Variants in CEP57 observed in about 807,000 individuals in gnomAD.
The protein encoded by CEP57 is centrosomal protein of 57 kDa.
A neutral mutation model predicts 68.0 loss-of-function variants in CEP57; 40 were observed. The ratio of observed to expected loss-of-function variants is 0.59; its 90% CI spans 0.46 to 0.77. The LOEUF (loss-of-function observed/expected upper bound fraction) is 0.77, where lower values mean the gene tolerates loss of function less well. CEP57 is among the 30% of genes least tolerant of loss of function. The pLI is 0.00. For synonymous variants in CEP57, 219 were observed against 198.7 expected, an observed-to-expected ratio of 1.10 and a Z score of -0.86; for missense variants, 606 against 580.7, an observed-to-expected ratio of 1.04 and a Z score of -0.45.
At chr11:95,799,448 A>C (rs1861483157) in intron 2 of CEP57, 60 bp downstream of exon 2, 1 of 1,596,226 alleles carries the variant, frequency 6.3e-7, no homozygotes, top group African/African-American at 1.3e-5. Flanking sequence ...AAAATTCTTA[A>C]CTTTGTCCTC....
chr11:95,795,770 T>C (rs1245665331), intron 1 of CEP57, among the ~76,000 whole-genome samples: 4 of 152,208 alleles, frequency 2.6e-5, no homozygotes, highest in South Asian at 4.1e-4. Context: ...GTTGCATTGA[T>C]TGCACTGCTC....
intron 8 of CEP57, 88 bp downstream of exon 8, chr11:95,822,664 G>A: frequency 1.3e-6 from 1 of 755,962 alleles, no homozygotes; most frequent in Non-Finnish European, 2.2e-6. Flanking sequence ...ACAAATGGAA[G>A]GAACATTTTT....
intron 2 of CEP57, among the ~76,000 whole-genome samples, chr11:95,810,181 G>A (rs1311110326): frequency 6.6e-6 from 1 of 152,132 alleles, no homozygotes; most frequent in Non-Finnish European, 1.5e-5. Context: ...CAATAAACTA[G>A]GTATTGATGG....
chr11:95,824,845 T>G (rs1862671380), intron 8 of CEP57, among the ~76,000 whole-genome samples: 1 of 152,210 alleles, frequency 6.6e-6, no homozygotes, highest in Admixed American at 6.5e-5. Flanking sequence ...AGGGGAAATA[T>G]ACCCAACTGC....
At chr11:95,827,610 T>A in intron 8 of CEP57, 176 bp from the exon 9 acceptor site, 1 of 705,260 alleles carries the variant, frequency 1.4e-6, no homozygotes, top group Non-Finnish European at 2.3e-6. Context: ...TGAAACATAG[T>A]TAGTGGATTT....
At chr11:95,790,779 GC>G in intron 1 of CEP57, 36 bp downstream of exon 1, 1 of 1,611,476 alleles carries the variant, frequency 6.2e-7, no homozygotes, top group South Asian at 1.1e-5. Context: ...CCCCACGTCG[GC>G]CCTAAGCGCC....
Position 95,832,180 on chromosome 11 carries a change from CAT to C in CEP57, c.*925_*926del, listed in dbSNP as rs1758804321. 6.6e-6 allele frequency: 1 copy of C among 151,994 alleles called. No individual in the cohort carries two copies. The highest frequency in any genetic ancestry group is 2.1e-4 in the South Asian group (1 of 4,830). The allele number at this position is 151,994 out of a possible 1,614,324, so 9.4% of individuals were successfully genotyped here. ...AATCATAATTTCAACTAGATCAAGA[CAT>C]GTTAACCTTTTATAAATTTAAAGTC... On this transcript the variant is annotated 3_prime_UTR_variant, in exon 11 of 11. Transcript: ENST00000325542.
chr11:95,790,499 T>G lies in CEP57; in HGVS notation c.-200T>G, dbSNP rs910105003. 3.2e-6 allele frequency: 2 copies of G among 616,586 alleles called. No homozygotes were observed. The highest frequency in any genetic ancestry group is 5.7e-6 in the Non-Finnish European group (2 of 349,384). 38.2% of individuals were successfully genotyped at this position (616,586 alleles called of 1,614,324 possible). On this transcript the variant is annotated 5_prime_UTR_variant, in exon 1 of 11. Coordinates refer to ENST00000325542, the MANE Select transcript of CEP57 (RefSeq NM_014679.5). Reference sequence around the variant, plus strand: ...AGACGTCCGTTAGGACGTGTTGCCCTTTCTGTGTAAGCTGTGAGCGTAGGC... The same window carrying G: ...AGACGTCCGTTAGGACGTGTTGCCCGTTCTGTGTAAGCTGTGAGCGTAGGC...
intron 8 of CEP57, 98 bp downstream of exon 8, chr11:95,822,674 T>C (rs1266373897): frequency 1.5e-6 from 1 of 645,390 alleles, no homozygotes; most frequent in Non-Finnish European, 2.7e-6. Context: ...GGAACATTTT[T>C]CTGTGCCTTT....
chr11:95,799,548 A>G (rs896352411), intron 2 of CEP57, among the ~76,000 whole-genome samples, 160 bp downstream of exon 2: 1 of 152,118 alleles, frequency 6.6e-6, no homozygotes, highest in Non-Finnish European at 1.5e-5. Flanking sequence ...TATTCCTTAT[A>G]TTGATTGTTG....
At chr11:95,804,886 A>G (rs910304972) in intron 2 of CEP57, among the ~76,000 whole-genome samples, 1 of 152,166 alleles carries the variant, frequency 6.6e-6, no homozygotes, top group African/African-American at 2.4e-5. Context: ...CTTTTCAATC[A>G]TGTGTTTTCT....
In CEP57 at chr11:95,829,238, G is replaced by T. The variant is rs1862890009; in HGVS notation, c.1179G>T (p.Leu393=). The T allele has an allele frequency of 1.2e-6, 2 of 1,613,948 alleles. No homozygotes were observed. The highest frequency in any genetic ancestry group is 1.7e-6 in the Non-Finnish European group (2 of 1,180,004). The change falls in exon 10 of 11, where the codon CTG becomes CTT. Residue 393 remains leucine (L), a synonymous_variant. Coordinates refer to ENST00000325542, the MANE Select transcript of CEP57 (RefSeq NM_014679.5). ...TCCAGGAGTCGCCAACCGTTGAACT[G>T]AAAGACAAGTTGGAGTGTGAATTGG... ...KLIQESPTVE[L]KDKLECELEA... is the part of the protein sequence containing the mutation.
chr11:95,800,060 C>CT (rs1861508532), intron 2 of CEP57, among the ~76,000 whole-genome samples: 1 of 152,176 alleles, frequency 6.6e-6, no homozygotes, highest in Non-Finnish European at 1.5e-5. Flanking sequence ...TTGCCATGAA[C>CT]TTAGCTTTAA....
chr11:95,817,854 T>A lies in CEP57; in HGVS notation c.572T>A (p.Leu191His), dbSNP rs150399616. 7.0e-4 allele frequency: 1,129 copies of A among 1,613,964 alleles called. 1 individual carries two copies. The highest frequency in any genetic ancestry group is 9.1e-4 in the Non-Finnish European group (1,076 of 1,179,912). Residue 191 changes from leucine (L) to histidine (H), a missense_variant, in exon 5 of 11, where the codon CTT becomes CAT. Coordinates refer to ENST00000325542, the MANE Select transcript of CEP57 (RefSeq NM_014679.5). ...HVQSQLEKLD[L>H]LEQEYNKLTT... ...CAGAGCCAACTTGAAAAATTGGATC[T>A]TCTTGAACAGGAGTATAACAAACTT... is the stretch of plus-strand genomic sequence containing the variant.
intron 2 of CEP57, among the ~76,000 whole-genome samples, chr11:95,804,961 A>G (rs1199695639): frequency 6.6e-6 from 1 of 152,230 alleles, no homozygotes; most frequent in Non-Finnish European, 1.5e-5. Flanking sequence ...TTACGCATTT[A>G]AACAGGGATA....
intron 2 of CEP57, among the ~76,000 whole-genome samples, chr11:95,803,581 A>G (rs1455648677): frequency 9.8e-6 from 1 of 101,806 alleles, no homozygotes; most frequent in African/African-American, 3.6e-5. Context: ...CCCTTAATCT[A>G]CAACAACATA....
intron 8 of CEP57, among the ~76,000 whole-genome samples, chr11:95,825,293 G>T (rs1862690678): frequency 6.6e-6 from 1 of 152,140 alleles, no homozygotes. Flanking sequence ...TCCTGTTGGA[G>T]AAAACTCTCC....
intron 1 of CEP57, among the ~76,000 whole-genome samples, chr11:95,797,662 A>AT (rs1861407810): frequency 1.3e-5 from 2 of 152,144 alleles, no homozygotes; most frequent in Non-Finnish European, 2.9e-5. Context: ...GACTAAATAT[A>AT]TTTTTTATTA....
At chr11:95,819,187 T>C (rs988705929) in intron 6 of CEP57, among the ~76,000 whole-genome samples, 6 of 152,202 alleles carry the variant, frequency 3.9e-5, no homozygotes, top group African/African-American at 1.4e-4. Context: ...AGAAGGTATG[T>C]AATCATGTAA....
Sources: gnomAD v4.1 joint callset for allele counts (sites outside exome capture counted in the v4.1 genomes callset) on GRCh38, gnomAD v4.1.1 for gene constraint, MANE v1.5 for transcripts, NCBI Gene and HGNC (gene_info 2026-07-23, HGNC 2026-07-21) for gene names.